The following HPS1 variants were observed in gnomAD, a reference collection of about 807,000 sequenced individuals.
HPS1 encodes the protein HPS1 biogenesis of lysosomal organelles complex 3 subunit 1.
Under a neutral mutation model 90.6 loss-of-function variants are expected in HPS1, and 59 were observed. The ratio of observed to expected loss-of-function variants is 0.65; its 90% CI spans 0.53 to 0.81. The LOEUF (loss-of-function observed/expected upper bound fraction) is 0.81, where lower values mean the gene tolerates loss of function less well. Ranked by LOEUF, HPS1 falls within the 30% of genes least tolerant of loss-of-function variation. The probability of loss-of-function intolerance (pLI) is 0.00; values close to 1 mark genes in which losing one functional copy is unlikely to be tolerated. For missense variants in HPS1, 849 were observed against 896.7 expected (o/e 0.95, Z 0.68); for synonymous variants, 388 against 384.4 (o/e 1.01, Z -0.11).
chr10:98,419,303 C>A (rs1488092569), intron 18 of HPS1, among the ~76,000 whole-genome samples: 1 of 152,162 alleles, frequency 6.6e-6, no homozygotes, highest in African/African-American at 2.4e-5. Flanking sequence ...AGAGCTGGAA[C>A]AACCACTCCT....
At chr10:98,424,851 G>A (rs1175947306) in intron 13 of HPS1, among the ~76,000 whole-genome samples, 2 of 152,166 alleles carry the variant, frequency 1.3e-5, no homozygotes, top group Admixed American at 6.5e-5. Flanking sequence ...ACTGCGGGAT[G>A]TGGCACTGCC....
At chr10:98,414,902 G>T, downstream of HPS1, 1 of 1,480,102 alleles carries the variant, frequency 6.8e-7, no homozygotes, top group Non-Finnish European at 9.1e-7. Flanking sequence ...GGTTATGCCA[G>T]AGGAGAGAGC....
chr10:98,436,993 T>C (rs1017704075), intron 3 of HPS1, among the ~76,000 whole-genome samples: 3 of 152,168 alleles, frequency 2.0e-5, no homozygotes, highest in Admixed American at 6.5e-5. Context: ...CTCCTACTTA[T>C]CATTCTGGTT....
At chr10:98,426,070 A>G (rs1845568827) in intron 11 of HPS1, 85 bp from the exon 12 acceptor site, 1 of 1,232,332 alleles carries the variant, frequency 8.1e-7, no homozygotes, top group Non-Finnish European at 1.2e-6. Context: ...ACCACAAGAA[A>G]TAATCATTTT....
intron 16 of HPS1, among the ~76,000 whole-genome samples, chr10:98,423,330 G>T (rs889934222): frequency 7.2e-6 from 1 of 138,298 alleles, no homozygotes; most frequent in Non-Finnish European, 1.5e-5. Context: ...CATTTTGCCA[G>T]CTGGGCAACA....
At chr10:98,439,647 G>T (rs549303470) in intron 3 of HPS1, among the ~76,000 whole-genome samples, 81 of 152,282 alleles carry the variant, frequency 5.3e-4, no homozygotes, top group Admixed American at 1.6e-3. Context: ...GACTTGCCTT[G>T]TCTCAGGTGA....
At chr10:98,441,341 T>A (rs1938386803) in intron 3 of HPS1, among the ~76,000 whole-genome samples, 1 of 152,062 alleles carries the variant, frequency 6.6e-6, no homozygotes, top group Admixed American at 6.5e-5. Context: ...AAAAAAAAAA[T>A]TATCTTCAAT....
chr10:98,426,471 G>C (rs917447091), intron 11 of HPS1, among the ~76,000 whole-genome samples: 2 of 152,198 alleles, frequency 1.3e-5, no homozygotes, highest in African/African-American at 4.8e-5. Context: ...AAGCAAGAAA[G>C]CCTTTAGTGC....
intron 3 of HPS1, among the ~76,000 whole-genome samples, chr10:98,437,572 T>C (rs1479717055): frequency 6.6e-6 from 1 of 152,264 alleles, no homozygotes. Context: ...CAGTATTCAG[T>C]ACAGTCACAT....
intron 6 of HPS1, 186 bp from the exon 7 acceptor site, chr10:98,431,477 A>G (rs1008871229): frequency 3.2e-6 from 2 of 621,248 alleles, no homozygotes; most frequent in African/African-American, 3.7e-5. Context: ...TGGTCACTAG[A>G]CTCCAGTGGA....
chr10:98,443,089 T>A, intron 3 of HPS1, 35 bp downstream of exon 3: 1 of 1,414,974 alleles, frequency 7.1e-7, no homozygotes, highest in South Asian at 1.1e-5. Flanking sequence ...TTCCTTCCTA[T>A]CCACCCCTCC....
chr10:98,433,154 C>T (rs1846746333), intron 6 of HPS1, among the ~76,000 whole-genome samples: 1 of 151,760 alleles, frequency 6.6e-6, no homozygotes, highest in African/African-American at 2.4e-5. Flanking sequence ...ATTGCTTGAA[C>T]CCGGGAAGCA....
chr10:98,428,074 G>T (rs1286302755), intron 10 of HPS1, among the ~76,000 whole-genome samples: 1 of 152,146 alleles, frequency 6.6e-6, no homozygotes. Flanking sequence ...GAGGAACTTC[G>T]GAGATTACCC....
chr10:98,425,591 G>C lies in HPS1; in HGVS notation c.1285C>G (p.Arg429Gly). Residue 429 changes from arginine to glycine, a missense_variant, in exon 13 of 20, where the codon CGC becomes GGC. Transcript: ENST00000361490. ...LRSQPLVGDL[R>G]QRMDKFVKNR... Reference sequence around the variant, plus strand: ...TTGACAAACTTGTCCATCCTCTGGCGCAGGTCTCCCACGAGGGGCTGGGAG... The same window carrying C: ...TTGACAAACTTGTCCATCCTCTGGCCCAGGTCTCCCACGAGGGGCTGGGAG... The C allele has an allele frequency of 6.2e-7, 1 of 1,613,684 alleles. No homozygotes were observed. The highest frequency in any genetic ancestry group is 8.5e-7 in the Non-Finnish European group (1 of 1,179,884).
At position 98,424,327 on chromosome 10, in the gene HPS1, G is replaced by C. The variant is rs763241171; in HGVS notation, c.1383C>G (p.Pro461=). ...CCACCACTCACTCCCAGGAGGATCC[G>C]GGCTCACTTTTGGAGAAAGCCTTGG... ...FKAKAFSKSE[P]GSSWELLQAC... The change falls in exon 14 of 20, where the codon CCC becomes CCG. Residue 461 remains proline (P), a synonymous_variant. Transcript: ENST00000361490. The C allele has an allele frequency of 6.2e-7, 1 of 1,612,692 alleles. No homozygotes were observed. Among genetic ancestry groups the C allele is most frequent in the Non-Finnish European group, 8.5e-7 (1 of 1,179,438 alleles).
At chr10:98,423,999 C>T in intron 14 of HPS1, 112 bp from the exon 15 acceptor site, 1 of 1,436,968 alleles carries the variant, frequency 7.0e-7, no homozygotes, top group Non-Finnish European at 9.6e-7. Flanking sequence ...GGAGCCCTTC[C>T]CCCTTGTGGA....
rs1424048075 is a variant in HPS1, at chr10:98,422,488, C to A, written c.1624G>T (p.Val542Leu). Reference protein sequence around the residue: ...VSYLEDFPGLVHFIYVDRTTG... With the variant: ...VSYLEDFPGLLHFIYVDRTTG... ...GTGCGGTCCACATAGATGAAGTGCA[C>A]CAAGCCTGGGAAGTCTTCTAGGTAG... The change falls in exon 17 of 20, where the codon GTG becomes TTG. Residue 542 changes from valine (V) to leucine (L), a missense_variant. By Grantham distance (32) the Val-to-Leu change is conservative (BLOSUM62 1). Coordinates refer to ENST00000361490, the MANE Select transcript of HPS1 (RefSeq NM_000195.5). The A allele has an allele frequency of 1.2e-6, 2 of 1,614,058 alleles. No individual in the cohort carries two copies. The highest frequency in any genetic ancestry group is 2.7e-5 in the African/African-American group (2 of 74,936).
chr10:98,433,371 A>C (rs1846797463), intron 6 of HPS1, among the ~76,000 whole-genome samples: 1 of 152,118 alleles, frequency 6.6e-6, no homozygotes, highest in African/African-American at 2.4e-5. Flanking sequence ...GAGTATGAAA[A>C]CCACTGCTTG....
At position 98,434,003 on chromosome 10, in the gene HPS1, C is replaced by A. The variant is rs866348644; in HGVS notation, c.487G>T (p.Glu163Ter). The A allele has an allele frequency of 1.9e-6, 3 of 1,558,934 alleles. No homozygotes were observed. The highest frequency in any genetic ancestry group is 2.4e-5 in the South Asian group (2 of 84,478). The change falls in exon 6 of 20, where the codon GAG becomes TAG. Residue 163 changes from glutamate (E) to a stop codon, truncating the protein, a stop_gained. Coordinates refer to ENST00000361490, the MANE Select transcript of HPS1 (RefSeq NM_000195.5). LOFTEE classifies it high-confidence loss of function. ...LWTYSRLREQ[E>*]QCFAVEALER... Reference sequence around the variant, plus strand: ...GTCACCTCCACGGCGAAGCACTGCTCCTGCTCCCGCAGGCGGCTGTAGGTC... The same window carrying A: ...GTCACCTCCACGGCGAAGCACTGCTACTGCTCCCGCAGGCGGCTGTAGGTC...
Sources: allele counts gnomAD v4.1 joint callset (sites outside exome capture counted in the v4.1 genomes callset), GRCh38; gene constraint gnomAD v4.1.1; transcripts MANE v1.5; gene names NCBI Gene and HGNC (gene_info 2026-07-23, HGNC 2026-07-21).